The following ANKRD13C variants were observed in gnomAD, a reference collection of about 807,000 sequenced individuals.
ANKRD13C encodes the protein ankyrin repeat domain 13C, also known as ankyrin repeat domain-containing protein 13C.
ANKRD13C carries 16 observed loss-of-function variants against 65.5 expected under a neutral mutation model. The ratio of observed to expected loss-of-function variants is 0.24; its 90% CI spans 0.17 to 0.37. The LOEUF is 0.37. Among genes scored for constraint, ANKRD13C ranks in the 10% least tolerant of loss-of-function variants. The pLI, the probability that ANKRD13C is intolerant of heterozygous loss-of-function variation, is 1.00. For missense variants in ANKRD13C, 503 were observed against 655.9 expected (o/e 0.77, Z 2.55); for synonymous variants, 235 against 238.7 (o/e 0.98, Z 0.14).
chr1:70,341,660 C>A (rs997106169), intron 1 of ANKRD13C, among the ~76,000 whole-genome samples: 3 of 152,000 alleles, frequency 2.0e-5, no homozygotes, highest in East Asian at 1.9e-4. Flanking sequence ...GCCAGCCCAG[C>A]CCCTTTTTGT....
rs116106698 is a variant in ANKRD13C at position 70,348,720 on chromosome 1, T to G, written c.430+5259A>C. Among the ~76,000 whole-genome samples the G allele has an allele frequency of 2.6e-3, 403 of 152,350 alleles. 3 individuals are homozygous for G. Among genetic ancestry groups the G allele is most frequent in the African/African-American group, 9.4e-3 (390 of 41,592 alleles). On this transcript the variant is annotated intron_variant, in intron 1 of 12. Coordinates refer to ENST00000370944, the MANE Select transcript of ANKRD13C (RefSeq NM_030816.5). ...CAGCAGGAATATTCTCAACTGAATT[T>G]TAACTTAAATTCGAAATCTCTAACA...
chr1:70,269,080 T>C (rs918204457), intron 12 of ANKRD13C, among the ~76,000 whole-genome samples: 5 of 146,800 alleles, frequency 3.4e-5, no homozygotes. Context: ...ATCCCAGTTG[T>C]GTTTTTTATC....
At chr1:70,300,690 T>C (rs1680311948) in intron 7 of ANKRD13C, 74 bp downstream of exon 7, 1 of 1,375,416 alleles carries the variant, frequency 7.3e-7, no homozygotes, top group African/African-American at 1.5e-5. Context: ...AAGCAAATTA[T>C]ACTGAGGTTT....
rs536249796 is a variant in ANKRD13C at position 70,290,708 on chromosome 1, A to G, written c.1215+1680T>C. 2.6e-5 allele frequency among the ~76,000 whole-genome samples: 4 copies of G among 151,870 alleles called. No homozygotes were observed. The South Asian group carries it at 6.2e-4, about 24-fold the overall frequency. ...AGGCTCATGCCACTGCGCACAGCTG[A>G]TTTTTAATTTTTTAATTTTTTATTT... On this transcript the variant is annotated intron_variant, in intron 9 of 12. Transcript: ENST00000370944.
chr1:70,346,044 G>T (rs1682514165), intron 1 of ANKRD13C, among the ~76,000 whole-genome samples: 1 of 151,548 alleles, frequency 6.6e-6, no homozygotes, highest in African/African-American at 2.4e-5. Context: ...GTTGACCAGG[G>T]TGGTCTCGAA....
At chr1:70,294,575 C>T (rs1422846305) in intron 8 of ANKRD13C, among the ~76,000 whole-genome samples, 1 of 151,280 alleles carries the variant, frequency 6.6e-6, no homozygotes, top group East Asian at 1.9e-4. Flanking sequence ...AATTCTGCCT[C>T]AAAACTGCAA....
intron 9 of ANKRD13C, among the ~76,000 whole-genome samples, chr1:70,287,422 C>T (rs942765511): frequency 6.6e-6 from 1 of 151,986 alleles, no homozygotes; most frequent in Non-Finnish European, 1.5e-5. Flanking sequence ...ACCTAAACCT[C>T]ATGCTTTCCA....
intron 10 of ANKRD13C, among the ~76,000 whole-genome samples, chr1:70,276,077 AG>A (rs1274763146): frequency 6.6e-6 from 1 of 152,064 alleles, no homozygotes; most frequent in African/African-American, 2.4e-5. Flanking sequence ...CTTCCTAAAC[AG>A]GAGCAGGAAA....
In ANKRD13C at chr1:70,296,169, C is replaced by T. The variant is rs778182656; in HGVS notation, c.1014G>A (p.Thr338=). 16 of 1,613,748 alleles carry T rather than the reference C, an allele frequency of 9.9e-6. No individual in the cohort carries two copies. Among genetic ancestry groups the T allele is most frequent in the South Asian group, 2.2e-5 (2 of 91,074 alleles). Residue 338 remains threonine (T), a synonymous_variant, in exon 8 of 13, where the codon ACG becomes ACA. Coordinates refer to ENST00000370944, the MANE Select transcript of ANKRD13C (RefSeq NM_030816.5). ...GAAAAAGCCATCCTGTCTGGGCACG[C>T]GTGAAAGAAATTGATTTTGTTGATA... ...ATLSTKSISF[T]RAQTGWLFRE...
At chr1:70,286,227 TC>T (rs1400066953) in intron 9 of ANKRD13C, among the ~76,000 whole-genome samples, 1 of 152,166 alleles carries the variant, frequency 6.6e-6, no homozygotes, top group African/African-American at 2.4e-5. Flanking sequence ...ATTAATATTT[TC>T]TTTAAATTTC....
chr1:70,314,225 T>A (rs270488), intron 4 of ANKRD13C, among the ~76,000 whole-genome samples: 57 of 143,598 alleles, frequency 4.0e-4, no homozygotes, highest in Middle Eastern at 3.6e-3. Context: ...GAAAAAAAAA[T>A]TTTTTTTTTT....
At chr1:70,342,400 T>C (rs952699709) in intron 1 of ANKRD13C, among the ~76,000 whole-genome samples, 6 of 151,976 alleles carry the variant, frequency 3.9e-5, no homozygotes, top group African/African-American at 1.5e-4. Flanking sequence ...TAGCCGGGCA[T>C]GGTGGCGCAT....
chr1:70,299,053 C>G (rs962501276), intron 7 of ANKRD13C, among the ~76,000 whole-genome samples: 2 of 152,066 alleles, frequency 1.3e-5, no homozygotes, highest in Admixed American at 1.3e-4. Context: ...GTAAATGTAA[C>G]ATTAGAAGCT....
Position 70,354,545 on chromosome 1 carries a change from C to T in ANKRD13C, c.-137G>A. On this transcript the variant is annotated 5_prime_UTR_variant, in exon 1 of 13. Transcript: ENST00000370944. ...ATGAACTCCCACTGAGCCCCCGAGC[C>T]TGGGACAAACGCATCTCCCGGGGAA... is the stretch of plus-strand genomic sequence containing the variant. 1 of 1,436,730 alleles carries T rather than the reference C, an allele frequency of 7.0e-7. No individual in the cohort carries two copies. The highest frequency in any genetic ancestry group is 1.5e-5 in the South Asian group (1 of 67,518). 89.0% of individuals were successfully genotyped at this position (1,436,730 alleles called of 1,614,324 possible).
At chr1:70,274,439 A>G (rs922808756) in intron 11 of ANKRD13C, among the ~76,000 whole-genome samples, 1 of 141,900 alleles carries the variant, frequency 7.0e-6, no homozygotes, top group Non-Finnish European at 1.5e-5. Context: ...GCGCCACTGC[A>G]CTCCAGCCTG....
At chr1:70,316,401 G>A (rs1286824148) in intron 3 of ANKRD13C, among the ~76,000 whole-genome samples, 2 of 151,772 alleles carry the variant, frequency 1.3e-5, no homozygotes, top group African/African-American at 4.8e-5. Flanking sequence ...AAGAATAGAA[G>A]TAAGGGCACA....
At chr1:70,334,585 C>A (rs1315614445) in intron 2 of ANKRD13C, among the ~76,000 whole-genome samples, 1 of 152,028 alleles carries the variant, frequency 6.6e-6, no homozygotes, top group Non-Finnish European at 1.5e-5. Flanking sequence ...CCCATGATTG[C>A]ATCATTGCAC....
At position 70,353,992 on chromosome 1, in the gene ANKRD13C, C is replaced by T; in HGVS notation, c.417G>A (p.Gln139=). 6.5e-7 allele frequency: 1 copy of T among 1,532,280 alleles called. No homozygotes were observed. The highest frequency in any genetic ancestry group is 8.8e-7 in the Non-Finnish European group (1 of 1,139,196). The allele number at this position is 1,532,280 out of a possible 1,614,324, so 94.9% of individuals were successfully genotyped here. The change falls in exon 1 of 13, where the codon CAG becomes CAA. Residue 139 remains glutamine (Q), a synonymous_variant. Transcript: ENST00000370944. ...SSLIRTHNIG[Q]KDNHGNTPLH... The stretch of plus-strand genomic sequence containing the variant: ...AGCACTCCTCACCGTGATTATCTTT[C>T]TGCCCGATATTGTGCGTGCGGATGA...
At chr1:70,329,577 T>C (rs1431587192) in intron 2 of ANKRD13C, among the ~76,000 whole-genome samples, 1 of 151,706 alleles carries the variant, frequency 6.6e-6, no homozygotes, top group East Asian at 1.9e-4. Context: ...AAAAAGCAGG[T>C]TGCACAACAA....
Sources: allele counts gnomAD v4.1 joint callset (sites outside exome capture counted in the v4.1 genomes callset), GRCh38; gene constraint gnomAD v4.1.1; transcripts MANE v1.5; gene names NCBI Gene and HGNC (gene_info 2026-07-23, HGNC 2026-07-21).